The following XPR1 variants were observed in gnomAD, a reference collection of about 807,000 sequenced individuals.
The protein encoded by XPR1 is xenotropic and polytropic retrovirus receptor 1.
In XPR1, 28 loss-of-function variants were observed where a neutral mutation model predicts 87.5. The observed-to-expected ratio is 0.32, with a 90% CI of 0.24 to 0.44. The LOEUF (loss-of-function observed/expected upper bound fraction) is 0.44, where lower values mean the gene tolerates loss of function less well. Among genes scored for constraint, XPR1 ranks in the 20% least tolerant of loss-of-function variants. The probability of loss-of-function intolerance (pLI) is 1.00; values close to 1 mark genes in which losing one functional copy is unlikely to be tolerated. For missense variants in XPR1, 559 were observed against 862.3 expected, an observed-to-expected ratio of 0.65 and a Z score of 4.41; for synonymous variants, 300 against 306.1, an observed-to-expected ratio of 0.98 and a Z score of 0.21.
In XPR1 at chr1:180,886,627, A is replaced by G. The variant is rs555872007; in HGVS notation, c.*2561A>G. The G allele has an allele frequency of 2.0e-4, 30 of 152,368 alleles. No individual in the cohort carries two copies. The highest frequency in any genetic ancestry group is 7.0e-4 in the African/African-American group (29 of 41,592). 9.4% of individuals were successfully genotyped at this position (152,368 alleles called of 1,614,324 possible). A position where few individuals can be genotyped will look rare whatever the true frequency, so the allele number is the denominator to read the frequency against. ...AGGCTTATGTAACTTTCAGCTTGCT[A>G]TGTGACAGAAGTTTAAATGTGTATT... is the stretch of plus-strand genomic sequence containing the variant. On this transcript the variant is annotated 3_prime_UTR_variant, in exon 15 of 15. Transcript: ENST00000367590.
chr1:180,741,993 A>G (rs1658936700), intron 2 of XPR1, among the ~76,000 whole-genome samples: 2 of 151,400 alleles, frequency 1.3e-5, no homozygotes, highest in Admixed American at 6.6e-5. Context: ...GTTCTTCCCT[A>G]TTTCATTTTT....
intron 2 of XPR1, among the ~76,000 whole-genome samples, chr1:180,736,540 A>T (rs1658736981): frequency 6.6e-6 from 1 of 152,228 alleles, no homozygotes; most frequent in Non-Finnish European, 1.5e-5. Context: ...AGATGTCTTC[A>T]CACCATGGTC....
rs111699552 is a variant in XPR1, at chr1:180,782,687, C to G, written c.122-5066C>G. Among the ~76,000 whole-genome samples the G allele has an allele frequency of 1.6e-3, 250 of 151,974 alleles. 1 individual carries two copies. Among genetic ancestry groups the G allele is most frequent in the African/African-American group, 5.7e-3 (236 of 41,512 alleles). On this transcript the variant is annotated intron_variant, in intron 2 of 14. Coordinates refer to ENST00000367590, the MANE Select transcript of XPR1 (RefSeq NM_004736.4). ...AGTTGCCTCTTTAAAGGCCCTGTCTCCAAATACAAGTCACATTGTGGGGTT... is the reference window on the plus strand; with the variant it reads ...AGTTGCCTCTTTAAAGGCCCTGTCTGCAAATACAAGTCACATTGTGGGGTT...
chr1:180,852,555 G>A (rs12073289), intron 11 of XPR1, among the ~76,000 whole-genome samples: 6,534 of 152,054 alleles, frequency 0.043, 501 homozygotes, highest in African/African-American at 0.15. Context: ...TATGGTTTTC[G>A]TTTTGTTTTT....
chr1:180,859,496 T>G (rs938812425), intron 11 of XPR1, among the ~76,000 whole-genome samples: 1 of 152,130 alleles, frequency 6.6e-6, no homozygotes, highest in Non-Finnish European at 1.5e-5. Context: ...ATTGCTTGCC[T>G]AAAGTGATAA....
At chr1:180,665,674 C>G (rs141496162) in intron 1 of XPR1, among the ~76,000 whole-genome samples, 2 of 152,312 alleles carry the variant, frequency 1.3e-5, no homozygotes, top group African/African-American at 4.8e-5. Context: ...TTGCTGCACT[C>G]TCCCTCCCTC....
chr1:180,879,994 A>C, intron 13 of XPR1, 82 bp from the exon 14 acceptor site: 1 of 1,455,500 alleles, frequency 6.9e-7, no homozygotes, highest in Non-Finnish European at 9.5e-7. Flanking sequence ...CATGAGTGGA[A>C]ACTTGATACA....
intron 2 of XPR1, among the ~76,000 whole-genome samples, chr1:180,716,006 T>A (rs1314479233): frequency 6.6e-6 from 1 of 152,178 alleles, no homozygotes; most frequent in East Asian, 1.9e-4. Flanking sequence ...TCTTGAGCTA[T>A]GTATGTGGCT....
intron 2 of XPR1, among the ~76,000 whole-genome samples, chr1:180,687,770 C>G (rs1440447164): frequency 1.3e-5 from 2 of 151,776 alleles, no homozygotes; most frequent in Admixed American, 1.3e-4. Flanking sequence ...ATGATTATAA[C>G]TAGGAAGTGC....
chr1:180,846,824 C>T (rs944785204), intron 11 of XPR1, among the ~76,000 whole-genome samples: 3 of 149,822 alleles, frequency 2.0e-5, no homozygotes, highest in East Asian at 1.9e-4. Flanking sequence ...AGAAACTTTT[C>T]GTACACTACA....
rs1176027883 is a variant in XPR1, at chr1:180,885,975, T to TTTTTG, written c.*1924_*1928dup. On this transcript the variant is annotated 3_prime_UTR_variant, in exon 15 of 15. Transcript: ENST00000367590. ...TGTGTTCCCTTTTTGAATCGAGGTT[T>TTTTTG]TTTTGTTTTGTTTTGTTTTCTGAAA... is the stretch of plus-strand genomic sequence containing the variant. The TTTTTG allele has an allele frequency of 6.6e-6, 1 of 152,212 alleles. No individual in the cohort carries two copies. The highest frequency in any genetic ancestry group is 1.5e-5 in the Non-Finnish European group (1 of 68,024). The allele number at this position is 152,212 out of a possible 1,614,324, so 9.4% of individuals were successfully genotyped here.
At chr1:180,769,364 T>G (rs1648410153) in intron 2 of XPR1, among the ~76,000 whole-genome samples, 1 of 150,918 alleles carries the variant, frequency 6.6e-6, no homozygotes, top group Admixed American at 6.6e-5. Flanking sequence ...TTATTTCTGT[T>G]TTTTTGTGTT....
At chr1:180,843,792 G>A (rs1175653197) in intron 11 of XPR1, among the ~76,000 whole-genome samples, 4 of 151,808 alleles carry the variant, frequency 2.6e-5, no homozygotes, top group Non-Finnish European at 5.9e-5. Context: ...TCTTAAAACT[G>A]ATAGATGTAA....
intron 2 of XPR1, among the ~76,000 whole-genome samples, chr1:180,747,018 AT>A (rs1415008456): frequency 2.6e-5 from 4 of 152,112 alleles, no homozygotes; most frequent in South Asian, 4.1e-4. Flanking sequence ...TTTAATAATC[AT>A]TTTTTAATGT....
chr1:180,716,265 CT>C (rs1442814664), intron 2 of XPR1, among the ~76,000 whole-genome samples: 5 of 150,110 alleles, frequency 3.3e-5, no homozygotes, highest in Non-Finnish European at 7.4e-5. Flanking sequence ...TTTTTTTTTT[CT>C]TTTTGTAGTG....
At chr1:180,718,772 G>A (rs1039516037) in intron 2 of XPR1, among the ~76,000 whole-genome samples, 35 of 151,406 alleles carry the variant, frequency 2.3e-4, no homozygotes, top group African/African-American at 7.3e-4. Context: ...GGGTTCAAGC[G>A]ATTCTCCTGC....
intron 2 of XPR1, among the ~76,000 whole-genome samples, chr1:180,702,208 C>G (rs1187084552): frequency 1.0e-5 from 1 of 98,200 alleles, no homozygotes; most frequent in Non-Finnish European, 2.0e-5. Flanking sequence ...AGTAGTCATT[C>G]AGGAGCAGGT....
At chr1:180,843,049 C>T (rs1000296804) in intron 11 of XPR1, among the ~76,000 whole-genome samples, 4 of 152,276 alleles carry the variant, frequency 2.6e-5, no homozygotes, top group South Asian at 2.1e-4. Flanking sequence ...GGCTGCTGTG[C>T]GCCCTAATGA....
In XPR1 at chr1:180,846,293, G is replaced by A. The variant is rs185802153; in HGVS notation, c.1501+9577G>A. Reference sequence around the variant, plus strand: ...AAAAAAAAAATGTCAAGGGTAGTTAGGGTAATTTGTTAAAGCTGGCTAGCA... The same window carrying A: ...AAAAAAAAAATGTCAAGGGTAGTTAAGGTAATTTGTTAAAGCTGGCTAGCA... On this transcript the variant is annotated intron_variant, in intron 11 of 14. Coordinates refer to ENST00000367590, the MANE Select transcript of XPR1 (RefSeq NM_004736.4). Among the ~76,000 whole-genome samples, 69 of 151,556 alleles carry A rather than the reference G, an allele frequency of 4.6e-4. 1 individual carries two copies. The highest frequency in any genetic ancestry group is 1.6e-3 in the African/African-American group (66 of 41,314).
Sources: allele counts gnomAD v4.1 joint callset (sites outside exome capture counted in the v4.1 genomes callset), GRCh38; gene constraint gnomAD v4.1.1; transcripts MANE v1.5; gene names NCBI Gene and HGNC (gene_info 2026-07-23, HGNC 2026-07-21).